The following COL8A1 variants were observed in gnomAD, a reference collection of about 807,000 sequenced individuals.
COL8A1 encodes the protein collagen type VIII alpha 1 chain.
COL8A1 carries 21 observed loss-of-function variants against 42.7 expected under a neutral mutation model. The ratio of observed to expected loss-of-function variants is 0.49; its 90% CI spans 0.35 to 0.71. COL8A1 has a LOEUF of 0.71. COL8A1 is among the 30% of genes least tolerant of loss of function. COL8A1 has a pLI of 0.01. For missense variants in COL8A1, 788 were observed against 962.4 expected (o/e 0.82, Z 2.40); for synonymous variants, 367 against 369.1 (o/e 0.99, Z 0.06).
In COL8A1 at chr3:99,795,122, T is replaced by C. The variant is rs1478440345; in HGVS notation, c.1221T>C (p.Ile407=). The change falls in exon 4 of 4, where the codon ATT becomes ATC. Residue 407 remains isoleucine, a synonymous_variant. Transcript: ENST00000652472. ...GTCCTATGGGCCCTCCAGGTGCTAT[T>C]GGTTTTCCTGGACCCAAAGGAGAAG... ...IPGPMGPPGA[I]GFPGPKGEGG... is the part of the protein sequence containing the mutation. The C allele has an allele frequency of 3.1e-6, 5 of 1,613,282 alleles. No homozygotes were observed. Among genetic ancestry groups the C allele is most frequent in the Non-Finnish European group, 4.2e-6 (5 of 1,179,664 alleles).
chr3:99,740,738 G>C (rs1940876598), intron 1 of COL8A1, among the ~76,000 whole-genome samples: 1 of 152,146 alleles, frequency 6.6e-6, no homozygotes, highest in African/African-American at 2.4e-5. Context: ...GGCAAATCTA[G>C]GATTCAAAGC....
intron 1 of COL8A1, among the ~76,000 whole-genome samples, chr3:99,719,098 C>T (rs1028351948): frequency 6.6e-6 from 1 of 151,964 alleles, no homozygotes; most frequent in African/African-American, 2.4e-5. Context: ...ATATTAATAG[C>T]ACTAGCTCAG....
intron 2 of COL8A1, among the ~76,000 whole-genome samples, chr3:99,757,751 G>A (rs1364072761): frequency 6.6e-6 from 1 of 152,068 alleles, no homozygotes; most frequent in Non-Finnish European, 1.5e-5. Context: ...GAATTGAATG[G>A]GATACATCTG....
intron 1 of COL8A1, among the ~76,000 whole-genome samples, chr3:99,729,612 G>A (rs1487105304): frequency 4.6e-5 from 7 of 151,938 alleles, no homozygotes; most frequent in Admixed American, 4.6e-4. Context: ...ATGATTAGCT[G>A]TTAGTTCAGA....
At chr3:99,736,285 A>T (rs2107393138) in intron 1 of COL8A1, among the ~76,000 whole-genome samples, 1 of 152,218 alleles carries the variant, frequency 6.6e-6, no homozygotes, top group South Asian at 2.1e-4. Flanking sequence ...TCTTGTGGAC[A>T]TTTAGTGCTA....
At position 99,780,405 on chromosome 3, in the gene COL8A1, G is replaced by A. The variant is rs183032437; in HGVS notation, c.-3-10275G>A. The stretch of plus-strand genomic sequence containing the variant: ...CCAGCTGGACTCATTCATGCCCCTC[G>A]CTACTTCCTTTAGGCACTGGGCTTC... On this transcript the variant is annotated intron_variant, in intron 2 of 3. Transcript: ENST00000652472. Among the ~76,000 whole-genome samples the A allele has an allele frequency of 1.2e-3, 176 of 152,162 alleles. 1 individual carries two copies. Among genetic ancestry groups the A allele is most frequent in the African/African-American group, 4.0e-3 (168 of 41,522 alleles).
At chr3:99,650,817 A>C (rs906150983) in intron 1 of COL8A1, among the ~76,000 whole-genome samples, 2 of 152,224 alleles carry the variant, frequency 1.3e-5, no homozygotes, top group African/African-American at 4.8e-5. Context: ...AATGGATACT[A>C]TATTGAACAA....
chr3:99,773,837 A>ATATATATATATATATAT (rs1200212756), intron 2 of COL8A1, among the ~76,000 whole-genome samples: 10 of 45,396 alleles, frequency 2.2e-4, no homozygotes, highest in African/African-American at 9.0e-4. Context: ...ATATATATAT[A>ATATATATATATATATAT]TTTTTTTTTT....
chr3:99,777,441 C>G (rs2107444190), intron 2 of COL8A1, among the ~76,000 whole-genome samples: 1 of 152,208 alleles, frequency 6.6e-6, no homozygotes, highest in Admixed American at 6.5e-5. Context: ...GCAGACTGCA[C>G]AAAGTTGAAC....
intron 1 of COL8A1, among the ~76,000 whole-genome samples, chr3:99,742,456 C>T (rs952078053): frequency 1.3e-5 from 2 of 152,094 alleles, no homozygotes; most frequent in African/African-American, 4.8e-5. Flanking sequence ...TAATTTGATT[C>T]ATTTCATAAA....
chr3:99,758,627 GA>G (rs1186800110), intron 2 of COL8A1, among the ~76,000 whole-genome samples: 1 of 152,124 alleles, frequency 6.6e-6, no homozygotes, highest in Non-Finnish European at 1.5e-5. Flanking sequence ...AGAAAATGCA[GA>G]TGTCTGGTCC....
At chr3:99,733,066 G>A (rs945345814) in intron 1 of COL8A1, among the ~76,000 whole-genome samples, 2 of 151,134 alleles carry the variant, frequency 1.3e-5, no homozygotes, top group African/African-American at 2.4e-5. Flanking sequence ...ACGGCCTTGG[G>A]CAACTCTACT....
At chr3:99,770,774 G>A (rs971131530) in intron 2 of COL8A1, among the ~76,000 whole-genome samples, 9 of 152,140 alleles carry the variant, frequency 5.9e-5, no homozygotes, top group East Asian at 1.9e-4. Flanking sequence ...GAAACAGCGC[G>A]GTGATAAGAT....
At chr3:99,783,735 C>A (rs768130322) in intron 2 of COL8A1, among the ~76,000 whole-genome samples, 31 of 152,198 alleles carry the variant, frequency 2.0e-4, no homozygotes, top group Admixed American at 3.3e-4. Context: ...AGAGCACGTG[C>A]GCGCAAGGTG....
intron 1 of COL8A1, among the ~76,000 whole-genome samples, chr3:99,727,179 T>C (rs1940359634): frequency 1.3e-5 from 2 of 152,134 alleles, no homozygotes; most frequent in African/African-American, 4.8e-5. Flanking sequence ...GAAGCAATTG[T>C]GAATGGGAGT....
chr3:99,657,745 TC>T (rs1366014387), intron 1 of COL8A1, among the ~76,000 whole-genome samples: 1 of 152,146 alleles, frequency 6.6e-6, no homozygotes, highest in African/African-American at 2.4e-5. Context: ...CCTCCTACCC[TC>T]TGGAGACTTT....
chr3:99,692,962 A>G (rs575625278), intron 1 of COL8A1, among the ~76,000 whole-genome samples: 11 of 152,354 alleles, frequency 7.2e-5, no homozygotes, highest in African/African-American at 2.2e-4. Context: ...AGTTCAAGAC[A>G]AACCTGACCA....
At chr3:99,728,225 T>A (rs574555636) in intron 1 of COL8A1, among the ~76,000 whole-genome samples, 1 of 151,858 alleles carries the variant, frequency 6.6e-6, no homozygotes, top group Non-Finnish European at 1.5e-5. Context: ...GATGACATGA[T>A]TGTATATCTA....
chr3:99,786,927 C>CT (rs1941907514), intron 2 of COL8A1, among the ~76,000 whole-genome samples: 1 of 152,094 alleles, frequency 6.6e-6, no homozygotes, highest in Non-Finnish European at 1.5e-5. Flanking sequence ...GGTGGCAAAT[C>CT]TGAGGGTCTT....
Sources: allele counts gnomAD v4.1 joint callset (sites outside exome capture counted in the v4.1 genomes callset), GRCh38; gene constraint gnomAD v4.1.1; transcripts MANE v1.5; gene names NCBI Gene and HGNC (gene_info 2026-07-23, HGNC 2026-07-21).